The following VPS36 variants were observed in gnomAD, a reference collection of about 807,000 sequenced individuals.
The protein encoded by VPS36 is vacuolar protein sorting 36 homolog.
Under a neutral mutation model 63.5 loss-of-function variants are expected in VPS36, and 31 were observed. The observed-to-expected ratio is 0.49, with a 90% confidence interval of 0.37 to 0.66. The LOEUF (loss-of-function observed/expected upper bound fraction) is 0.66. Ranked by LOEUF, VPS36 falls within the 30% of genes least tolerant of loss-of-function variation. The pLI is 0.00. For missense variants in VPS36, 338 were observed against 463.7 expected, an observed-to-expected ratio of 0.73 and a Z score of 2.49; for synonymous variants, 138 against 157.2, an observed-to-expected ratio of 0.88 and a Z score of 0.91.
chr13:52,445,414 C>T (rs1398238932), intron 1 of VPS36, among the ~76,000 whole-genome samples: 5 of 151,662 alleles, frequency 3.3e-5, no homozygotes, highest in African/African-American at 1.2e-4. Context: ...CCGAGGAAGG[C>T]GGATCACGAG....
At chr13:52,422,862 C>A (rs1394584833) in intron 10 of VPS36, among the ~76,000 whole-genome samples, 3 of 152,114 alleles carry the variant, frequency 2.0e-5, no homozygotes, top group Admixed American at 6.5e-5. Flanking sequence ...GTGTCCCCAC[C>A]CAAATCTCAT....
chr13:52,423,732 A>T, intron 9 of VPS36, 93 bp from the exon 10 acceptor site: 1 of 1,202,522 alleles, frequency 8.3e-7, no homozygotes, highest in Non-Finnish European at 1.2e-6. Context: ...TGAAATCAGA[A>T]ATCAGAAAAA....
At chr13:52,438,356 T>C (rs1288225309) in intron 3 of VPS36, among the ~76,000 whole-genome samples, 1 of 152,356 alleles carries the variant, frequency 6.6e-6, no homozygotes, top group Non-Finnish European at 1.5e-5. Flanking sequence ...GTTTCTTTTA[T>C]ATCAAATAAA....
intron 5 of VPS36, 84 bp from the exon 6 acceptor site, chr13:52,433,832 A>T: frequency 8.0e-7 from 1 of 1,250,740 alleles, no homozygotes; most frequent in African/African-American, 1.5e-5. Flanking sequence ...TTGTGTTTTC[A>T]ATGGCGGGAA....
At chr13:52,417,357 A>T (rs147042972) in intron 11 of VPS36, among the ~76,000 whole-genome samples, 73 of 152,310 alleles carry the variant, frequency 4.8e-4, no homozygotes, top group Non-Finnish European at 8.7e-4. Flanking sequence ...CATGCTAAAT[A>T]AAATTACTGG....
rs142356455 is a variant in VPS36, at chr13:52,426,942, A to ATTAT, written c.639+46_639+47insATAA. On this transcript the variant is annotated intron_variant, in intron 8 of 13. Transcript: ENST00000378060. ...ATGTAAACCACAAAAACCTTACTGCATTGTGTTATCTAGTTTCAAATGCCT... is the reference window on the plus strand; with the variant it reads ...ATGTAAACCACAAAAACCTTACTGCATTATTTGTGTTATCTAGTTTCAAATGCCT... 4.2e-3 allele frequency: 5,620 copies of ATTAT among 1,329,924 alleles called. 42 individuals are homozygous for ATTAT. The highest frequency in any genetic ancestry group is 0.018 in the Middle Eastern group (77 of 4,336). 82.4% of individuals were successfully genotyped at this position (1,329,924 alleles called of 1,614,324 possible).
chr13:52,420,348 T>A (rs75926177), intron 10 of VPS36, among the ~76,000 whole-genome samples: 6,030 of 152,048 alleles, frequency 0.04, 136 homozygotes, highest in South Asian at 0.07. Flanking sequence ...TTATTTATTT[T>A]TTGAGATGCA....
chr13:52,427,748 C>T (rs970023995), intron 6 of VPS36, among the ~76,000 whole-genome samples: 1 of 152,110 alleles, frequency 6.6e-6, no homozygotes, highest in Non-Finnish European at 1.5e-5. Context: ...AAAAGAACTT[C>T]ACATTTTCAA....
chr13:52,436,512 GAAAC>G, intron 3 of VPS36, 108 bp from the exon 4 acceptor site: 1 of 772,888 alleles, frequency 1.3e-6, no homozygotes, highest in Non-Finnish European at 2.1e-6. Context: ...AATTCATGTA[GAAAC>G]AAACATCCCA....
At chr13:52,415,950 C>T in intron 13 of VPS36, 27 bp from the exon 14 acceptor site, 1 of 1,612,988 alleles carries the variant, frequency 6.2e-7, no homozygotes. Flanking sequence ...AAAAAACCCC[C>T]ACACAATTAT....
intron 2 of VPS36, among the ~76,000 whole-genome samples, chr13:52,440,434 C>T (rs1214162436): frequency 1.3e-5 from 2 of 152,070 alleles, no homozygotes; most frequent in African/African-American, 4.8e-5. Flanking sequence ...GCTGGGATTA[C>T]AGGCATGTGC....
At chr13:52,420,402 G>A (rs888774423) in intron 10 of VPS36, among the ~76,000 whole-genome samples, 1 of 151,120 alleles carries the variant, frequency 6.6e-6, no homozygotes, top group South Asian at 2.1e-4. Flanking sequence ...GCGTGATCTC[G>A]GCTCACTGCA....
chr13:52,445,631 T>C (rs898809897), intron 1 of VPS36, among the ~76,000 whole-genome samples: 5 of 81,222 alleles, frequency 6.2e-5, no homozygotes, highest in African/African-American at 2.3e-4. Flanking sequence ...AGAGGGAGAC[T>C]CCGTCTCAAA....
chr13:52,428,807 T>G (rs763737944), intron 6 of VPS36, among the ~76,000 whole-genome samples: 1 of 152,150 alleles, frequency 6.6e-6, no homozygotes, highest in Non-Finnish European at 1.5e-5. Flanking sequence ...AATCACTGTA[T>G]TTATTATATT....
chr13:52,447,924 G>A (rs762025740), intron 1 of VPS36, among the ~76,000 whole-genome samples: 10 of 151,994 alleles, frequency 6.6e-5, no homozygotes, highest in Non-Finnish European at 1.3e-4. Context: ...TTCTCTCTGT[G>A]GATCTTAGGC....
In VPS36 at chr13:52,442,347, C is replaced by G. The variant is rs778860245; in HGVS notation, c.165+30G>C. 1.6e-5 allele frequency: 25 copies of G among 1,590,160 alleles called. No homozygotes were observed. In the Admixed American group the frequency reaches 2.2e-4, roughly 14 times the overall value. On this transcript the variant is annotated intron_variant, in intron 2 of 13. Coordinates refer to ENST00000378060, the MANE Select transcript of VPS36 (RefSeq NM_016075.4). ...AAAAAATAAATAAACAAAATAAAAC[C>G]TACAACAGATGCAAAAAACTGTATC...
Position 52,426,001 on chromosome 13 carries a change from G to A in VPS36, c.705C>T (p.Tyr235=), listed in dbSNP as rs148016251. 214 of 1,614,080 alleles carry A rather than the reference G, an allele frequency of 1.3e-4. No individual in the cohort carries two copies. Among genetic ancestry groups the A allele is most frequent in the Non-Finnish European group, 1.7e-4 (196 of 1,179,982 alleles). The part of the protein sequence containing the change: ...GIANPVTRET[Y]GSGTQYHMQL... ...GCATGTGGTACTGTGTGCCTGAGCC[G>A]TAGGTTTCTCTGGTAACTGGGTTAG... The change falls in exon 9 of 14, where the codon TAC becomes TAT. Residue 235 remains tyrosine (Y), a synonymous_variant. Transcript: ENST00000378060.
chr13:52,428,525 T>C (rs1462791240), intron 6 of VPS36, among the ~76,000 whole-genome samples: 4 of 152,194 alleles, frequency 2.6e-5, no homozygotes, highest in Non-Finnish European at 4.4e-5. Flanking sequence ...GGAATTTCCT[T>C]AGATAAACAA....
At chr13:52,423,770 T>C in intron 9 of VPS36, 131 bp from the exon 10 acceptor site, 1 of 750,526 alleles carries the variant, frequency 1.3e-6, no homozygotes, top group Non-Finnish European at 2.1e-6. Context: ...AAAAACTTTA[T>C]TTATACAAAG....
Sources: gnomAD v4.1 joint callset for allele counts (sites outside exome capture counted in the v4.1 genomes callset) on GRCh38, gnomAD v4.1.1 for gene constraint, MANE v1.5 for transcripts, NCBI Gene and HGNC (gene_info 2026-07-23, HGNC 2026-07-21) for gene names.